The following ANKMY1 variants were observed in gnomAD, a reference collection of about 807,000 sequenced individuals.
The protein encoded by ANKMY1 is ankyrin repeat and MYND domain containing 1, also known as ankyrin repeat and MYND domain-containing protein 1.
A neutral mutation model predicts 102.0 loss-of-function variants in ANKMY1; 98 were observed. The ratio of observed to expected loss-of-function variants is 0.96; its 90% CI spans 0.82 to 1.14. The LOEUF is 1.14. Among genes scored for constraint, ANKMY1 ranks in the 50% most tolerant of loss-of-function variants. The pLI is 0.00. For synonymous variants in ANKMY1, 582 were observed against 559.9 expected (o/e 1.04, Z -0.56); for missense variants, 1,330 against 1,347.6 (o/e 0.99, Z 0.20).
chr2:240,493,778 T>C (rs1053873125), intron 15 of ANKMY1, among the ~76,000 whole-genome samples: 5 of 152,150 alleles, frequency 3.3e-5, no homozygotes, highest in Admixed American at 2.0e-4. Context: ...TGGTGTACAC[T>C]GGCACTTGTG....
chr2:240,537,447 C>T (rs575834113), intron 4 of ANKMY1, among the ~76,000 whole-genome samples: 2 of 152,196 alleles, frequency 1.3e-5, no homozygotes, highest in South Asian at 4.1e-4. Context: ...CTTGTAACTG[C>T]TGCTAATTGG....
chr2:240,532,259 A>G, intron 4 of ANKMY1: 1 of 335,446 alleles, frequency 3.0e-6, no homozygotes, highest in South Asian at 2.4e-5. Flanking sequence ...GAAACAATGG[A>G]GTAGAATCTT....
chr2:240,540,023 T>TA (rs1339404372), intron 4 of ANKMY1, among the ~76,000 whole-genome samples: 2 of 152,222 alleles, frequency 1.3e-5, no homozygotes, highest in African/African-American at 4.8e-5. Flanking sequence ...AAACAGGACC[T>TA]AAAGCCATGC....
chr2:240,520,000 G>A (rs930343492), intron 9 of ANKMY1: 45 of 489,076 alleles, frequency 9.2e-5, no homozygotes, highest in African/African-American at 8.2e-4. Context: ...TCCTGCCTGC[G>A]TCCTTGTGAT....
intron 8 of ANKMY1, chr2:240,523,119 C>T (rs1477417972): frequency 3.3e-5 from 5 of 152,214 alleles, no homozygotes; most frequent in Admixed American, 6.5e-5. Context: ...CATCAGTGTC[C>T]TTCCCATGTT....
intron 4 of ANKMY1, among the ~76,000 whole-genome samples, chr2:240,548,540 A>C (rs1302363199): frequency 6.6e-6 from 1 of 151,986 alleles, no homozygotes; most frequent in African/African-American, 2.4e-5. Flanking sequence ...AAGGAAATAA[A>C]GGGTATTCAA....
Position 240,520,217 on chromosome 2 carries a change from G to A in ANKMY1, c.2004+145C>T, listed in dbSNP as rs113897353. The A allele has an allele frequency of 2.4e-6, 3 of 1,243,902 alleles. No homozygotes were observed. The highest frequency in any genetic ancestry group is 2.0e-5 in the Admixed American group (1 of 50,040). The allele number at this position is 1,243,902 out of a possible 1,614,324, so 77.1% of individuals were successfully genotyped here. ...AGCGGGCTGTGGGACCCCCCACTGC[G>A]GCGCGCCGTCATCACTCACAGCCCA... is the stretch of plus-strand genomic sequence containing the variant. On this transcript the variant is annotated intron_variant, in intron 9 of 17. Transcript: ENST00000401804. The surrounding 1 kb of genome is among the most constrained non-coding windows in gnomAD (Gnocchi z 4.8).
At chr2:240,556,438 G>C (rs753768819) in intron 2 of ANKMY1, among the ~76,000 whole-genome samples, 1 of 152,210 alleles carries the variant, frequency 6.6e-6, no homozygotes, top group Non-Finnish European at 1.5e-5. Context: ...GCTCCCACCA[G>C]TTACTCTCCG....
intron 9 of ANKMY1, among the ~76,000 whole-genome samples, chr2:240,516,982 T>TA (rs2081323523): frequency 1.3e-5 from 2 of 152,368 alleles, no homozygotes; most frequent in African/African-American, 4.8e-5. Context: ...TTATATCCAT[T>TA]AAAAATTGAG....
chr2:240,540,518 A>C (rs1057062321), intron 4 of ANKMY1, among the ~76,000 whole-genome samples: 1 of 152,154 alleles, frequency 6.6e-6, no homozygotes, highest in Admixed American at 6.5e-5. Flanking sequence ...ACTGCATCCA[A>C]TGAGACTCCA....
At chr2:240,558,796 C>A (rs139439227), upstream of ANKMY1, among the ~76,000 whole-genome samples, 69 of 152,278 alleles carry the variant, frequency 4.5e-4, no homozygotes, top group East Asian at 0.012. Flanking sequence ...AGGGGCTCTG[C>A]CTCCACACGC....
At chr2:240,490,878 CTTTG>C (rs2076567354) in intron 15 of ANKMY1, among the ~76,000 whole-genome samples, 1 of 152,100 alleles carries the variant, frequency 6.6e-6, no homozygotes, top group Non-Finnish European at 1.5e-5. Context: ...TTCAATGTTT[CTTTG>C]TTTATCTTCT....
chr2:240,553,065 A>G lies in ANKMY1; in HGVS notation c.337-8T>C. 1 of 1,611,030 alleles carries G rather than the reference A, an allele frequency of 6.2e-7. No homozygotes were observed. The highest frequency in any genetic ancestry group is 1.3e-5 in the African/African-American group (1 of 74,978). ...AAACTGCCCATGGTATGACTGTGAG[A>G]TGGAGAAGTTGGTGAGAAATTGCTG... On this transcript the variant is annotated splice_polypyrimidine_tract_variant and splice_region_variant and intron_variant, in intron 3 of 17. Coordinates refer to ENST00000401804, the MANE Select transcript of ANKMY1 (RefSeq NM_001282771.3).
At chr2:240,508,011 C>A (rs4676436) in intron 12 of ANKMY1, among the ~76,000 whole-genome samples, 18,292 of 152,314 alleles carry the variant, frequency 0.12, 1,170 homozygotes, top group African/African-American at 0.16. Flanking sequence ...CCAGCTCCCA[C>A]CTTGCTCTTC....
At chr2:240,522,266 C>A (rs1178543652) in intron 8 of ANKMY1, 1 of 152,260 alleles carries the variant, frequency 6.6e-6, no homozygotes, top group African/African-American at 2.4e-5. Flanking sequence ...AACCCAGAAG[C>A]TCAGCTGGCT....
intron 9 of ANKMY1, among the ~76,000 whole-genome samples, chr2:240,514,491 C>T (rs1413553956): frequency 2.6e-5 from 4 of 152,184 alleles, no homozygotes; most frequent in African/African-American, 4.8e-5. Flanking sequence ...GACAGTGAGA[C>T]AGGACCTTCA....
chr2:240,536,100 A>T (rs1038570096), intron 4 of ANKMY1, among the ~76,000 whole-genome samples: 1 of 152,218 alleles, frequency 6.6e-6, no homozygotes, highest in South Asian at 2.1e-4. Context: ...CTCCTATAAG[A>T]TAAACCATGG....
At chr2:240,498,130 G>T (rs551024431) in intron 15 of ANKMY1, among the ~76,000 whole-genome samples, 1 of 152,140 alleles carries the variant, frequency 6.6e-6, no homozygotes, top group Non-Finnish European at 1.5e-5. Context: ...GCTGGTGGGC[G>T]AGCCAGGTGG....
At position 240,557,867 on chromosome 2, in the gene ANKMY1, T is replaced by A. The variant is rs2125298608; in HGVS notation, c.-18+14A>T. ...CTAGCCCCGGCTCCCAGCGCTCCTGTCGCGAGACCGCACCAAGCAAGACTC... is the reference window on the plus strand; with the variant it reads ...CTAGCCCCGGCTCCCAGCGCTCCTGACGCGAGACCGCACCAAGCAAGACTC... On this transcript the variant is annotated intron_variant, in intron 1 of 17. Transcript: ENST00000401804. The A allele has an allele frequency of 1.0e-6, 1 of 985,398 alleles. No individual in the cohort carries two copies. The highest frequency in any genetic ancestry group is 6.1e-5 in the Admixed American group (1 of 16,296). The allele number at this position is 985,398 out of a possible 1,614,324, so 61.0% of individuals were successfully genotyped here.
Sources: allele counts gnomAD v4.1 joint callset (sites outside exome capture counted in the v4.1 genomes callset), GRCh38; gene constraint gnomAD v4.1.1; non-coding constraint Gnocchi (gnomAD v3.1); transcripts MANE v1.5; gene names NCBI Gene and HGNC (gene_info 2026-07-23, HGNC 2026-07-21).